The following PITPNC1 variants were observed in gnomAD, a reference collection of about 807,000 sequenced individuals.
PITPNC1 encodes the protein phosphatidylinositol transfer protein cytoplasmic 1.
A neutral mutation model predicts 44.7 loss-of-function variants in PITPNC1; 18 were observed. That is an observed-to-expected ratio of 0.40 (90% CI 0.28 to 0.60). PITPNC1 has a LOEUF of 0.60. Among genes scored for constraint, PITPNC1 ranks in the 20% least tolerant of loss-of-function variants. The pLI, the probability that PITPNC1 is intolerant of heterozygous loss-of-function variation, is 0.39. For synonymous variants in PITPNC1, 141 were observed against 149.6 expected, an observed-to-expected ratio of 0.94 and a Z score of 0.42; for missense variants, 290 against 418.4, an observed-to-expected ratio of 0.69 and a Z score of 2.68.
chr17:67,467,013 C>G (rs1042401407), intron 1 of PITPNC1, among the ~76,000 whole-genome samples: 2 of 146,016 alleles, frequency 1.4e-5, no homozygotes, highest in African/African-American at 2.5e-5. Flanking sequence ...ACCTGCTTTT[C>G]TTCCCAATTT....
chr17:67,537,293 G>C (rs1378224239), intron 2 of PITPNC1, among the ~76,000 whole-genome samples: 1 of 152,154 alleles, frequency 6.6e-6, no homozygotes, highest in Non-Finnish European at 1.5e-5. Context: ...CAGATAATAT[G>C]ATTGTCTGAT....
At chr17:67,645,024 T>G (rs188211859) in intron 6 of PITPNC1, among the ~76,000 whole-genome samples, 206 of 152,254 alleles carry the variant, frequency 1.4e-3, no homozygotes, top group African/African-American at 4.9e-3. Context: ...TCCCATCTTT[T>G]TTCATGCCTT....
At chr17:67,494,185 T>TTCTCTTTCTTTCTTTCTTTC in intron 1 of PITPNC1, among the ~76,000 whole-genome samples, 9 of 102,428 alleles carry the variant, frequency 8.8e-5, no homozygotes, top group African/African-American at 2.3e-4. Flanking sequence ...CTTTCTTTCT[T>TTCTCTTTCTTTCTTTCTTTC]TTTCTTTCTT....
At chr17:67,528,137 G>C (rs902657709) in intron 1 of PITPNC1, among the ~76,000 whole-genome samples, 1 of 152,182 alleles carries the variant, frequency 6.6e-6, no homozygotes, top group African/African-American at 2.4e-5. Flanking sequence ...CACTTCCTGG[G>C]TTCAAGTGAT....
rs2042986974 is a variant in PITPNC1 at position 67,694,966 on chromosome 17, G to T, written c.*2078G>T. On this transcript the variant is annotated 3_prime_UTR_variant, in exon 9 of 9. Coordinates refer to ENST00000581322, the MANE Select transcript of PITPNC1 (RefSeq NM_012417.4). Reference sequence around the variant, plus strand: ...TTCACATAGAATGTATTTATTTTGTGCAGGCTGTTAAACACATCTGGCACC... The same window carrying T: ...TTCACATAGAATGTATTTATTTTGTTCAGGCTGTTAAACACATCTGGCACC... 1 of 152,186 alleles carries T rather than the reference G, an allele frequency of 6.6e-6. No homozygotes were observed. The highest frequency in any genetic ancestry group is 2.4e-5 in the African/African-American group (1 of 41,440). The allele number at this position is 152,186 out of a possible 1,614,324, so 9.4% of individuals were successfully genotyped here.
At chr17:67,679,881 C>T (rs2042671289) in intron 8 of PITPNC1, among the ~76,000 whole-genome samples, 1 of 152,184 alleles carries the variant, frequency 6.6e-6, no homozygotes, top group Non-Finnish European at 1.5e-5. Context: ...CTTGGTTTTG[C>T]TTTACAAATC....
At chr17:67,413,385 T>A (rs2038533551) in intron 1 of PITPNC1, among the ~76,000 whole-genome samples, 1 of 83,814 alleles carries the variant, frequency 1.2e-5, no homozygotes, top group South Asian at 3.6e-4. Flanking sequence ...GAAAAAGCAC[T>A]TTATAATGTG....
At chr17:67,569,024 C>A (rs1303239540) in intron 4 of PITPNC1, among the ~76,000 whole-genome samples, 1 of 151,920 alleles carries the variant, frequency 6.6e-6, no homozygotes, top group Non-Finnish European at 1.5e-5. Flanking sequence ...AGTGCAGTGC[C>A]CTAGAGAGCC....
At chr17:67,496,686 C>T (rs1041717196) in intron 1 of PITPNC1, among the ~76,000 whole-genome samples, 4 of 152,066 alleles carry the variant, frequency 2.6e-5, no homozygotes, top group African/African-American at 9.7e-5. Flanking sequence ...TTTTCAACCC[C>T]AGACTCATAC....
chr17:67,512,329 G>A (rs1347432027), intron 1 of PITPNC1, among the ~76,000 whole-genome samples: 3 of 152,008 alleles, frequency 2.0e-5, no homozygotes, highest in East Asian at 3.9e-4. Flanking sequence ...GTGAAACCCC[G>A]TCTCTACTAA....
At chr17:67,573,518 G>A (rs571571603) in intron 4 of PITPNC1, among the ~76,000 whole-genome samples, 6 of 151,252 alleles carry the variant, frequency 4.0e-5, no homozygotes, top group African/African-American at 1.5e-4. Flanking sequence ...GGTGGGAGGT[G>A]GAAAAAGTAG....
chr17:67,549,015 T>C (rs2040721342), intron 2 of PITPNC1, among the ~76,000 whole-genome samples: 1 of 152,210 alleles, frequency 6.6e-6, no homozygotes, highest in Non-Finnish European at 1.5e-5. Flanking sequence ...ATTGGAATAA[T>C]GATGTGCTGT....
intron 1 of PITPNC1, among the ~76,000 whole-genome samples, chr17:67,427,368 G>A (rs1036192542): frequency 2.0e-5 from 3 of 151,910 alleles, no homozygotes; most frequent in Admixed American, 1.3e-4. Flanking sequence ...CCGCAACCAC[G>A]CCCGGCTAAT....
intron 1 of PITPNC1, among the ~76,000 whole-genome samples, chr17:67,520,243 C>T (rs1006080938): frequency 3.3e-5 from 5 of 152,104 alleles, no homozygotes; most frequent in Non-Finnish European, 5.9e-5. Context: ...CTCTCTGCTG[C>T]GAACATCTCT....
At chr17:67,585,102 G>A (rs1359173290) in intron 5 of PITPNC1, among the ~76,000 whole-genome samples, 1 of 136,590 alleles carries the variant, frequency 7.3e-6, no homozygotes, top group Non-Finnish European at 1.5e-5. Flanking sequence ...AGCAACAAGA[G>A]TGAAACTCCA....
chr17:67,539,656 G>A (rs1490770651), intron 2 of PITPNC1, among the ~76,000 whole-genome samples: 1 of 152,160 alleles, frequency 6.6e-6, no homozygotes, highest in Admixed American at 6.5e-5. Context: ...GGCTAACACG[G>A]TGAAACCCCG....
chr17:67,565,304 A>T (rs1043303661), intron 4 of PITPNC1, among the ~76,000 whole-genome samples: 1 of 146,096 alleles, frequency 6.8e-6, no homozygotes, highest in Non-Finnish European at 1.5e-5. Context: ...TTAGTTTTCC[A>T]TGTTTTTCAG....
rs2042971199 is a variant in PITPNC1 at position 67,693,983 on chromosome 17, G to C, written c.*1095G>C. On this transcript the variant is annotated 3_prime_UTR_variant, in exon 9 of 9. Coordinates refer to ENST00000581322, the MANE Select transcript of PITPNC1 (RefSeq NM_012417.4). The stretch of plus-strand genomic sequence containing the variant: ...AAATACAAATATTGGGAATGTCACA[G>C]ACATCAAGCAACTACTGTCAAGTGG... The C allele has an allele frequency of 2.0e-5, 3 of 152,218 alleles. No individual in the cohort carries two copies. Among genetic ancestry groups the C allele is most frequent in the Non-Finnish European group, 1.5e-5 (1 of 68,042 alleles). The allele number at this position is 152,218 out of a possible 1,614,324, so 9.4% of individuals were successfully genotyped here.
At chr17:67,545,548 C>T (rs2040668161) in intron 2 of PITPNC1, among the ~76,000 whole-genome samples, 1 of 150,846 alleles carries the variant, frequency 6.6e-6, no homozygotes, top group African/African-American at 2.4e-5. Flanking sequence ...TGCATTCCAG[C>T]CTGGGTGACA....
Sources: allele counts gnomAD v4.1 joint callset (sites outside exome capture counted in the v4.1 genomes callset), GRCh38; gene constraint gnomAD v4.1.1; transcripts MANE v1.5; gene names NCBI Gene and HGNC (gene_info 2026-07-23, HGNC 2026-07-21).